The following FGGY variants were observed in gnomAD, a reference collection of about 807,000 sequenced individuals.
The protein encoded by FGGY is FGGY carbohydrate kinase domain-containing protein.
In FGGY, 72 loss-of-function variants were observed where a neutral mutation model predicts 71.3. The ratio of observed to expected loss-of-function variants is 1.01; its 90% CI spans 0.84 to 1.23. FGGY has a LOEUF of 1.23. FGGY is among the 50% of genes most tolerant of loss of function. The probability of loss-of-function intolerance (pLI) is 0.00; values close to 1 mark genes in which losing one functional copy is unlikely to be tolerated. For missense variants in FGGY, 668 were observed against 682.3 expected (o/e 0.98, Z 0.23); for synonymous variants, 251 against 250.3 (o/e 1.00, Z -0.02).
intron 8 of FGGY, among the ~76,000 whole-genome samples, chr1:59,588,468 G>C (rs2096357498): frequency 6.6e-6 from 1 of 152,076 alleles, no homozygotes; most frequent in Admixed American, 6.6e-5. Context: ...TCCTCGAGAA[G>C]AGCAACTCCA....
At chr1:59,421,271 C>T (rs1216356008) in intron 5 of FGGY, among the ~76,000 whole-genome samples, 1 of 152,108 alleles carries the variant, frequency 6.6e-6, no homozygotes, top group Non-Finnish European at 1.5e-5. Context: ...ACATAGGAGG[C>T]ATATATCAAT....
chr1:59,374,839 A>T (rs535543899), intron 4 of FGGY, among the ~76,000 whole-genome samples: 42 of 143,394 alleles, frequency 2.9e-4, no homozygotes, highest in Admixed American at 1.0e-3. Flanking sequence ...ATTCTCACTC[A>T]TAGGTGGGAA....
chr1:59,588,466 A>G (rs780713937), intron 8 of FGGY, among the ~76,000 whole-genome samples: 5 of 152,128 alleles, frequency 3.3e-5, no homozygotes, highest in Non-Finnish European at 7.3e-5. Flanking sequence ...ACTCCTCGAG[A>G]AGAGCAACTC....
chr1:59,520,001 G>A (rs1558202873), intron 7 of FGGY, among the ~76,000 whole-genome samples: 1 of 152,208 alleles, frequency 6.6e-6, no homozygotes, highest in Non-Finnish European at 1.5e-5. Context: ...AATGGCACTG[G>A]CCTGTGGTGG....
intron 8 of FGGY, among the ~76,000 whole-genome samples, chr1:59,591,288 G>C (rs1209422635): frequency 5.9e-5 from 9 of 152,166 alleles, no homozygotes; most frequent in Admixed American, 5.9e-4. Context: ...TGAAATAAAA[G>C]AGGATATAAA....
chr1:59,301,395 G>T (rs928313616), intron 1 of FGGY, among the ~76,000 whole-genome samples: 5 of 152,166 alleles, frequency 3.3e-5, no homozygotes, highest in African/African-American at 1.2e-4. Flanking sequence ...CCTGTCATCT[G>T]TAAATAAAGA....
chr1:59,297,887 G>C (rs1293532312), intron 1 of FGGY, among the ~76,000 whole-genome samples: 1 of 151,662 alleles, frequency 6.6e-6, no homozygotes, highest in Non-Finnish European at 1.5e-5. Flanking sequence ...TTCCACTAAA[G>C]CACTTCTGTG....
chr1:59,404,673 G>A (rs937669350), intron 5 of FGGY, among the ~76,000 whole-genome samples: 2 of 152,126 alleles, frequency 1.3e-5, no homozygotes, highest in African/African-American at 2.4e-5. Context: ...GATGTTGGAG[G>A]GCTAAACCAG....
Position 59,535,763 on chromosome 1 carries a change from A to G in FGGY, c.800-18361A>G, listed in dbSNP as rs896454944. Among the ~76,000 whole-genome samples the G allele has an allele frequency of 1.1e-4, 16 of 148,882 alleles. 2 individuals carry two copies. Among genetic ancestry groups the G allele is most frequent in the Non-Finnish European group, 1.8e-4 (12 of 67,268 alleles). On this transcript the variant is annotated intron_variant, in intron 7 of 15. Coordinates refer to ENST00000303721, the MANE Select transcript of FGGY (RefSeq NM_018291.5). ...TACATAACGAAATGAAGGCAGAAATAAAGATCTTCTTTGAAACCAACGAGA... is the reference window on the plus strand; with the variant it reads ...TACATAACGAAATGAAGGCAGAAATGAAGATCTTCTTTGAAACCAACGAGA...
intron 7 of FGGY, among the ~76,000 whole-genome samples, chr1:59,540,840 G>A (rs143890325): frequency 7.7e-4 from 117 of 152,240 alleles, no homozygotes; most frequent in African/African-American, 2.7e-3. Context: ...TGAAGTCAGG[G>A]TGTGTCACTT....
chr1:59,489,953 T>A (rs1220816958), intron 6 of FGGY, among the ~76,000 whole-genome samples: 5 of 152,234 alleles, frequency 3.3e-5, no homozygotes, highest in Non-Finnish European at 7.4e-5. Flanking sequence ...GATTTGCATT[T>A]CCCTGATGAT....
Position 59,607,877 on chromosome 1 carries a change from G to A in FGGY, c.978G>A (p.Leu326=), listed in dbSNP as rs2096638475. The change falls in exon 9 of 16, where the codon CTG becomes CTA. Residue 326 remains leucine, a synonymous_variant. Transcript: ENST00000303721. ...CAGCCATGGTACCTGGGTTCTGGCT[G>A]AATGAAGGTGGTCAGAGCGTTACTG... is the stretch of plus-strand genomic sequence containing the variant. ...YFSAMVPGFW[L]NEGGQSVTGK... is the part of the protein sequence containing the mutation. 6.2e-7 allele frequency: 1 copy of A among 1,614,108 alleles called. No homozygotes were observed.
chr1:59,544,641 G>C (rs767865496), intron 7 of FGGY, among the ~76,000 whole-genome samples: 1 of 152,170 alleles, frequency 6.6e-6, no homozygotes, highest in Non-Finnish European at 1.5e-5. Flanking sequence ...ATCAAGTGCA[G>C]ATACCAGGAA....
Position 59,579,135 on chromosome 1 carries a change from G to C in FGGY, c.903+24908G>C, listed in dbSNP as rs140493648. On this transcript the variant is annotated intron_variant, in intron 8 of 15. Transcript: ENST00000303721. ...TCCTAAATCCAGTAGTCCTCATTCA[G>C]ATCGTTCTGTTGGCAGCATTGGGCA... Among the ~76,000 whole-genome samples the C allele has an allele frequency of 1.1e-3, 163 of 152,214 alleles. 1 individual carries two copies. Among genetic ancestry groups the C allele is most frequent in the African/African-American group, 3.8e-3 (159 of 41,510 alleles).
chr1:59,684,760 G>A (rs2097531509), intron 14 of FGGY, among the ~76,000 whole-genome samples: 1 of 152,160 alleles, frequency 6.6e-6, no homozygotes, highest in Non-Finnish European at 1.5e-5. Context: ...TCACGGTGAT[G>A]CCATCTCCTC....
intron 7 of FGGY, among the ~76,000 whole-genome samples, chr1:59,553,518 T>C (rs1266996660): frequency 1.3e-5 from 2 of 152,218 alleles, no homozygotes; most frequent in East Asian, 3.8e-4. Flanking sequence ...TACTAGGAAC[T>C]CGCTCTCAGT....
intron 7 of FGGY, among the ~76,000 whole-genome samples, chr1:59,531,730 G>T (rs2153664647): frequency 6.6e-6 from 1 of 152,282 alleles, no homozygotes; most frequent in Non-Finnish European, 1.5e-5. Flanking sequence ...TTTGAGTTTG[G>T]ACATCATTGA....
chr1:59,358,722 T>A (rs1403716630), intron 4 of FGGY, among the ~76,000 whole-genome samples: 2 of 152,240 alleles, frequency 1.3e-5, no homozygotes, highest in East Asian at 1.9e-4. Context: ...TTAAAAGTTG[T>A]TTACATTTCT....
chr1:59,446,153 G>T (rs555704468), intron 5 of FGGY, among the ~76,000 whole-genome samples: 1 of 152,008 alleles, frequency 6.6e-6, no homozygotes, highest in South Asian at 2.1e-4. Context: ...AATTAGTACC[G>T]TCCTTATTTT....
Sources: gnomAD v4.1 joint callset for allele counts (sites outside exome capture counted in the v4.1 genomes callset) on GRCh38, gnomAD v4.1.1 for gene constraint, MANE v1.5 for transcripts, NCBI Gene and HGNC (gene_info 2026-07-23, HGNC 2026-07-21) for gene names.